Variants in FLRT1 observed in about 807,000 individuals in gnomAD.
The protein encoded by FLRT1 is leucine-rich repeat transmembrane protein FLRT1.
A neutral mutation model predicts 30.9 loss-of-function variants in FLRT1; 14 were observed. The ratio of observed to expected loss-of-function variants is 0.45; its 90% CI spans 0.30 to 0.71. The LOEUF (loss-of-function observed/expected upper bound fraction) is 0.71. Ranked by LOEUF, FLRT1 falls within the 30% of genes least tolerant of loss-of-function variation. FLRT1 has a pLI of 0.08. For synonymous variants in FLRT1, 368 were observed against 430.4 expected (o/e 0.85, Z 1.80); for missense variants, 737 against 949.2 (o/e 0.78, Z 2.94).
chr11:64,117,518 A>G lies in FLRT1; in HGVS notation c.1251A>G (p.Pro417=). The G allele has an allele frequency of 6.2e-7, 1 of 1,605,984 alleles. No individual in the cohort carries two copies. Among genetic ancestry groups the G allele is most frequent in the Non-Finnish European group, 8.5e-7 (1 of 1,174,758 alleles). Reference sequence around the variant, plus strand: ...TGTTTACCCTCAAGGCCAAAAGGCCAGGGCTGCGCCTCCCCGACTCCAACA... The same window carrying G: ...TGTTTACCCTCAAGGCCAAAAGGCCGGGGCTGCGCCTCCCCGACTCCAACA... ...GSLFTLKAKR[P]GLRLPDSNID... The change falls in exon 3 of 3, where the codon CCA becomes CCG. Residue 417 remains proline (P), a synonymous_variant. Transcript: ENST00000682287.
chr11:64,100,257 G>A (rs1944648326), intron 1 of FLRT1, among the ~76,000 whole-genome samples: 1 of 152,184 alleles, frequency 6.6e-6, no homozygotes, highest in Non-Finnish European at 1.5e-5. Context: ...AACGCAGAGG[G>A]TGGTGCAGAG....
At chr11:64,114,191 GTTAGA>G in intron 2 of FLRT1, among the ~76,000 whole-genome samples, 1 of 150,516 alleles carries the variant, frequency 6.6e-6, no homozygotes, top group Admixed American at 6.6e-5. Context: ...TGGATGGATG[GTTAGA>G]TGGATGGATG....
chr11:64,055,602 C>T (rs574699676), intron 1 of FLRT1, among the ~76,000 whole-genome samples: 7 of 152,360 alleles, frequency 4.6e-5, no homozygotes, highest in African/African-American at 1.7e-4. Context: ...AGGCAGCCAG[C>T]CCAGCAGAGG....
intron 1 of FLRT1, among the ~76,000 whole-genome samples, chr11:64,072,905 A>G (rs1185127391): frequency 2.0e-5 from 3 of 152,144 alleles, no homozygotes; most frequent in African/African-American, 7.2e-5. Flanking sequence ...ATTTTTTCTC[A>G]AAAGAGTCAG....
At chr11:64,095,923 G>A (rs1044014285) in intron 1 of FLRT1, among the ~76,000 whole-genome samples, 8 of 152,292 alleles carry the variant, frequency 5.3e-5, no homozygotes, top group South Asian at 2.1e-4. Context: ...CAGAGCCTGG[G>A]TTCTCTGACA....
chr11:64,070,673 G>C (rs1289634836), intron 1 of FLRT1, among the ~76,000 whole-genome samples: 1 of 151,834 alleles, frequency 6.6e-6, no homozygotes, highest in African/African-American at 2.4e-5. Context: ...CCAGCTGATC[G>C]GGGCAGATTT....
At chr11:64,057,773 G>A (rs962490421) in intron 1 of FLRT1, among the ~76,000 whole-genome samples, 1 of 152,252 alleles carries the variant, frequency 6.6e-6, no homozygotes, top group African/African-American at 2.4e-5. Flanking sequence ...ACAGCCACTT[G>A]TTGAGCGCTT....
chr11:64,085,148 G>C (rs574461662), intron 1 of FLRT1, among the ~76,000 whole-genome samples: 70 of 152,352 alleles, frequency 4.6e-4, no homozygotes, highest in African/African-American at 1.6e-3. Flanking sequence ...GTTCTGGGCA[G>C]AGGATGGGGC....
At chr11:64,095,824 C>T (rs897000389) in intron 1 of FLRT1, among the ~76,000 whole-genome samples, 3 of 152,146 alleles carry the variant, frequency 2.0e-5, no homozygotes, top group Non-Finnish European at 4.4e-5. Context: ...GGCTCCAAGT[C>T]AGGGGTTGAG....
At chr11:64,043,095 C>T (rs569785563) in intron 1 of FLRT1, among the ~76,000 whole-genome samples, 1 of 152,346 alleles carries the variant, frequency 6.6e-6, no homozygotes, top group African/African-American at 2.4e-5. Context: ...CGCCTCACGT[C>T]CCCTCTCTGT....
At chr11:64,076,302 A>G (rs1472479997) in intron 1 of FLRT1, among the ~76,000 whole-genome samples, 1 of 152,096 alleles carries the variant, frequency 6.6e-6, no homozygotes, top group African/African-American at 2.4e-5. Context: ...AAGACCCCAC[A>G]TGCCATGCTC....
chr11:64,101,444 G>A (rs1944668800), intron 1 of FLRT1, among the ~76,000 whole-genome samples: 1 of 152,108 alleles, frequency 6.6e-6, no homozygotes, highest in South Asian at 2.1e-4. Flanking sequence ...TCTTTATCGG[G>A]AGGCAGCGGC....
At chr11:64,048,961 C>T (rs776023627) in intron 1 of FLRT1, among the ~76,000 whole-genome samples, 6 of 144,942 alleles carry the variant, frequency 4.1e-5, no homozygotes, top group Non-Finnish European at 9.0e-5. Context: ...GCCTGTCATC[C>T]CATTTTAGAG....
intron 1 of FLRT1, among the ~76,000 whole-genome samples, chr11:64,050,401 A>G (rs1444001001): frequency 1.3e-5 from 2 of 152,216 alleles, no homozygotes; most frequent in African/African-American, 4.8e-5. Flanking sequence ...TCCTGGGGCC[A>G]GGCCCTTGGC....
At chr11:64,053,925 G>T (rs1287307887) in intron 1 of FLRT1, among the ~76,000 whole-genome samples, 1 of 152,116 alleles carries the variant, frequency 6.6e-6, no homozygotes, top group Non-Finnish European at 1.5e-5. Context: ...ACCTCTGCTG[G>T]CCCGGAGTCA....
At chr11:64,037,027 T>C (rs1249774994) in intron 1 of FLRT1, among the ~76,000 whole-genome samples, 1 of 150,482 alleles carries the variant, frequency 6.6e-6, no homozygotes, top group Non-Finnish European at 1.5e-5. Flanking sequence ...CCGGGAGGTC[T>C]TCGAGGCCCT....
chr11:64,095,725 C>T (rs1944563742), intron 1 of FLRT1, among the ~76,000 whole-genome samples: 2 of 152,190 alleles, frequency 1.3e-5, no homozygotes, highest in South Asian at 2.1e-4. Context: ...ATGCAGCAGG[C>T]GGAGGGAGGT....
intron 1 of FLRT1, among the ~76,000 whole-genome samples, chr11:64,051,614 T>C (rs1034183881): frequency 6.6e-6 from 1 of 152,214 alleles, no homozygotes; most frequent in African/African-American, 2.4e-5. Context: ...CCGCCATTCC[T>C]GCGTGGAGCG....
intron 1 of FLRT1, among the ~76,000 whole-genome samples, chr11:64,048,717 C>CA (rs1026940769): frequency 6.6e-6 from 1 of 152,174 alleles, no homozygotes; most frequent in Admixed American, 6.5e-5. Flanking sequence ...ATGAGAAAAC[C>CA]AAGGCTCTGC....
Sources: allele counts gnomAD v4.1 joint callset (sites outside exome capture counted in the v4.1 genomes callset), GRCh38; gene constraint gnomAD v4.1.1; transcripts MANE v1.5; gene names NCBI Gene and HGNC (gene_info 2026-07-23, HGNC 2026-07-21).